Variants in NLRC4 observed in about 807,000 individuals in gnomAD.
NLRC4 encodes NLR family CARD domain containing 4.
In NLRC4, 63 loss-of-function variants were observed where a neutral mutation model predicts 79.9. The observed-to-expected ratio is 0.79, with a 90% CI of 0.64 to 0.97. The LOEUF is 0.97. Among genes scored for constraint, NLRC4 ranks in the 50% least tolerant of loss-of-function variants. The probability of loss-of-function intolerance (pLI) is 0.00; values close to 1 mark genes in which losing one functional copy is unlikely to be tolerated. For synonymous variants in NLRC4, 461 were observed against 456.5 expected, an observed-to-expected ratio of 1.01 and a Z score of -0.12; for missense variants, 1,074 against 1,215.2, an observed-to-expected ratio of 0.88 and a Z score of 1.73.
intron 4 of NLRC4, among the ~76,000 whole-genome samples, chr2:32,247,619 A>G (rs927534251): frequency 4.6e-5 from 7 of 151,786 alleles, no homozygotes; most frequent in African/African-American, 1.7e-4. Context: ...TACATTTTTA[A>G]TAAAAATAGT....
chr2:32,234,493 C>A (rs1187460167), intron 8 of NLRC4, among the ~76,000 whole-genome samples: 1 of 152,182 alleles, frequency 6.6e-6, no homozygotes. Flanking sequence ...AGGCTGTTTT[C>A]ACAAGTCCTT....
At chr2:32,239,045 C>T (rs1686736006) in intron 5 of NLRC4, among the ~76,000 whole-genome samples, 1 of 152,094 alleles carries the variant, frequency 6.6e-6, no homozygotes, top group African/African-American at 2.4e-5. Context: ...CTATGGGAGG[C>T]AGTGATAGGC....
chr2:32,227,427 C>G (rs1384986531), intron 8 of NLRC4, among the ~76,000 whole-genome samples: 1 of 152,216 alleles, frequency 6.6e-6, no homozygotes, highest in Non-Finnish European at 1.5e-5. Context: ...TCTCTTCCAT[C>G]TCATGTTCAT....
At chr2:32,231,446 C>T (rs1328748080) in intron 8 of NLRC4, among the ~76,000 whole-genome samples, 11 of 152,108 alleles carry the variant, frequency 7.2e-5, no homozygotes, top group African/African-American at 2.2e-4. Flanking sequence ...TCAGCCACCA[C>T]GCCCGGCCAT....
chr2:32,261,879 G>A lies in NLRC4; in HGVS notation c.-119+2859C>T, dbSNP rs554725433. Among the ~76,000 whole-genome samples the A allele has an allele frequency of 2.3e-3, 345 of 151,196 alleles. 1 individual carries two copies. The highest frequency in any genetic ancestry group is 3.6e-3 in the Non-Finnish European group (244 of 67,820). On this transcript the variant is annotated intron_variant, in intron 1 of 8. Coordinates refer to ENST00000402280, the MANE Select transcript of NLRC4 (RefSeq NM_001199138.2). ...AGGTGGATCACGAGGTCAAGAGATC[G>A]AGACCATCCTGGCCAACATGGTGAA...
chr2:32,245,601 A>G (rs1686917045), intron 4 of NLRC4, among the ~76,000 whole-genome samples: 1 of 152,224 alleles, frequency 6.6e-6, no homozygotes, highest in Admixed American at 6.5e-5. Context: ...CTGTATATTT[A>G]AAATAACTAA....
chr2:32,258,478 G>C (rs569807083), intron 1 of NLRC4, among the ~76,000 whole-genome samples: 1 of 152,316 alleles, frequency 6.6e-6, no homozygotes, highest in African/African-American at 2.4e-5. Flanking sequence ...TGGGGGTGGA[G>C]CCCTTGCCAG....
chr2:32,239,958 A>G (rs1487976799), intron 5 of NLRC4, among the ~76,000 whole-genome samples: 2 of 152,150 alleles, frequency 1.3e-5, no homozygotes, highest in Non-Finnish European at 2.9e-5. Flanking sequence ...TATAAGGAAA[A>G]GAAGTCAGCC....
chr2:32,252,138 G>A (rs572094541), intron 3 of NLRC4, among the ~76,000 whole-genome samples: 7 of 152,312 alleles, frequency 4.6e-5, no homozygotes, highest in South Asian at 2.1e-4. Context: ...CTGCTGCACT[G>A]GAAGCTTAAC....
At chr2:32,261,090 G>C (rs1322198836) in intron 1 of NLRC4, among the ~76,000 whole-genome samples, 2 of 151,218 alleles carry the variant, frequency 1.3e-5, no homozygotes, top group Non-Finnish European at 2.9e-5. Flanking sequence ...CTAATCGGGA[G>C]GCTGAGGCAG....
At chr2:32,229,142 GA>G (rs1006883938) in intron 8 of NLRC4, among the ~76,000 whole-genome samples, 63 of 152,020 alleles carry the variant, frequency 4.1e-4, no homozygotes, top group African/African-American at 1.5e-3. Flanking sequence ...TAGAGCAGGT[GA>G]AATTGGTCAG....
At chr2:32,261,494 T>G (rs1489988299) in intron 1 of NLRC4, among the ~76,000 whole-genome samples, 3 of 148,714 alleles carry the variant, frequency 2.0e-5, no homozygotes, top group Non-Finnish European at 4.5e-5. Context: ...GTATTTTTAG[T>G]AGAGATGGGG....
In NLRC4 at chr2:32,257,333, C is replaced by T. The variant is rs1370563287; in HGVS notation, c.-118-440G>A. On this transcript the variant is annotated intron_variant, in intron 1 of 8. Coordinates refer to ENST00000402280, the MANE Select transcript of NLRC4 (RefSeq NM_001199138.2). ...GTCTTAAAGGATAAGTAGGGCTGGGCGCGGTGGCTCACGCCTGTAATCCCA... is the reference window on the plus strand; with the variant it reads ...GTCTTAAAGGATAAGTAGGGCTGGGTGCGGTGGCTCACGCCTGTAATCCCA... 4.6e-5 allele frequency among the ~76,000 whole-genome samples: 7 copies of T among 152,110 alleles called. No individual in the cohort carries two copies. The East Asian group carries it at 5.8e-4, about 13-fold the overall frequency.
At chr2:32,225,161 A>C (rs1430653868) in intron 8 of NLRC4, among the ~76,000 whole-genome samples, 1 of 152,144 alleles carries the variant, frequency 6.6e-6, no homozygotes, top group East Asian at 1.9e-4. Flanking sequence ...GAAAAAGTAA[A>C]CACCACCTAA....
At chr2:32,263,108 T>C (rs1036404846) in intron 1 of NLRC4, among the ~76,000 whole-genome samples, 3 of 152,102 alleles carry the variant, frequency 2.0e-5, no homozygotes, top group Non-Finnish European at 2.9e-5. Context: ...TCTGGACCCA[T>C]ATAACCCACG....
In NLRC4 at chr2:32,236,196, AC is replaced by A. The variant is rs1368123134; in HGVS notation, c.2614+50del. On this transcript the variant is annotated intron_variant, in intron 7 of 8. Coordinates refer to ENST00000402280, the MANE Select transcript of NLRC4 (RefSeq NM_001199138.2). ...AGGACCCAGGCTATGTATTTCGACT[AC>A]CCAGTATACATATTCAAGTATCTAA... is the stretch of plus-strand genomic sequence containing the variant. 4 of 1,156,386 alleles carry A rather than the reference AC, an allele frequency of 3.5e-6. No individual in the cohort carries two copies. In the African/African-American group the frequency reaches 4.6e-5, roughly 13 times the overall value. The allele number at this position is 1,156,386 out of a possible 1,614,324, so 71.6% of individuals were successfully genotyped here. A position where few individuals can be genotyped will look rare whatever the true frequency, so the allele number is the denominator to read the frequency against.
At chr2:32,259,238 G>A (rs549743857) in intron 1 of NLRC4, among the ~76,000 whole-genome samples, 6 of 143,018 alleles carry the variant, frequency 4.2e-5, no homozygotes, top group Non-Finnish European at 7.6e-5. Flanking sequence ...TGGGACCGCA[G>A]GTGTGTGCCA....
chr2:32,256,651 A>G (rs1366991304), intron 2 of NLRC4, 124 bp downstream of exon 2: 1 of 692,160 alleles, frequency 1.4e-6, no homozygotes, highest in Admixed American at 2.3e-5. Context: ...CAACAGAAGA[A>G]TATTTATTGG....
Position 32,235,538 on chromosome 2 carries a change from G to A in NLRC4, c.2645C>T (p.Thr882Ile). 1 of 1,614,204 alleles carries A rather than the reference G, an allele frequency of 6.2e-7. No individual in the cohort carries two copies. The highest frequency in any genetic ancestry group is 8.5e-7 in the Non-Finnish European group (1 of 1,180,028). The change falls in exon 8 of 9, where the codon ACC (threonine) becomes ATC (isoleucine). Residue 882 changes from threonine (T) to isoleucine (I), a missense_variant. Physicochemically the swap from Thr to Ile is moderately conservative, Grantham distance 89. Coordinates refer to ENST00000402280, the MANE Select transcript of NLRC4 (RefSeq NM_001199138.2). ...IDRMNVLEQL[T>I]ALMLPWGCDV... ...ACAGCCCCAGGGCAGCATCAGTGCG[G>A]TGAGCTGTTCTAGCACGTTCATCCT... is the stretch of plus-strand genomic sequence containing the variant.
Sources: gnomAD v4.1 joint callset for allele counts (sites outside exome capture counted in the v4.1 genomes callset) on GRCh38, gnomAD v4.1.1 for gene constraint, MANE v1.5 for transcripts, NCBI Gene and HGNC (gene_info 2026-07-23, HGNC 2026-07-21) for gene names.